The following CXCR5 variants were observed in gnomAD, a reference collection of about 807,000 sequenced individuals.
The protein encoded by CXCR5 is C-X-C motif chemokine receptor 5, also known as C-X-C chemokine receptor type 5.
In CXCR5, 3 loss-of-function variants were observed where a neutral mutation model predicts 5.6. The ratio of observed to expected loss-of-function variants is 0.54; its 90% CI spans 0.24 to 1.39. The LOEUF (loss-of-function observed/expected upper bound fraction) is 1.39. Ranked by LOEUF, CXCR5 falls within the 40% of genes most tolerant of loss-of-function variation. The pLI is 0.16. For missense variants in CXCR5, 333 were observed against 494.6 expected, an observed-to-expected ratio of 0.67 and a Z score of 3.10; for synonymous variants, 218 against 219.9, an observed-to-expected ratio of 0.99 and a Z score of 0.08.
intron 1 of CXCR5, among the ~76,000 whole-genome samples, chr11:118,885,478 A>G (rs2137650195): frequency 6.6e-6 from 1 of 152,248 alleles, no homozygotes; most frequent in Admixed American, 6.5e-5. Flanking sequence ...CAATACCCCA[A>G]ATCAGACTAA....
rs1384225505 is a variant in CXCR5 at position 118,896,444 on chromosome 11, CAG to C, written c.*1784_*1785del. On this transcript the variant is annotated 3_prime_UTR_variant, in exon 2 of 2. Coordinates refer to ENST00000292174, the MANE Select transcript of CXCR5 (RefSeq NM_001716.5). Reference sequence around the variant, plus strand: ...CCCTCTCTCCTCAGGGCAGGAAACACAGAGTCAGACAGTTTGGGGGGGTCTTG... The same window carrying C: ...CCCTCTCTCCTCAGGGCAGGAAACACAGTCAGACAGTTTGGGGGGGTCTTG... 2 of 152,500 alleles carry C rather than the reference CAG, an allele frequency of 1.3e-5. No individual in the cohort carries two copies. The highest frequency in any genetic ancestry group is 2.4e-5 in the African/African-American group (1 of 41,434). 9.4% of individuals were successfully genotyped at this position (152,500 alleles called of 1,614,324 possible). A position where few individuals can be genotyped will look rare whatever the true frequency, so the allele number is the denominator to read the frequency against.
Position 118,894,421 on chromosome 11 carries a change from A to G in CXCR5, c.877A>G (p.Thr293Ala). ...TLARLKAVDN[T>A]CKLNGSLPVA... is the part of the protein sequence containing the mutation. ...GGCGAGGCTGAAGGCCGTGGACAAT[A>G]CCTGCAAGCTGAATGGCTCTCTCCC... Residue 293 changes from threonine to alanine, a missense_variant, in exon 2 of 2, where the codon ACC becomes GCC. Thr to Ala is a moderately conservative substitution (Grantham distance 58). Coordinates refer to ENST00000292174, the MANE Select transcript of CXCR5 (RefSeq NM_001716.5). This position sits in a 1 kb window ranked among gnomAD's most constrained non-coding sequence, Gnocchi z 6.1. 1 of 1,614,098 alleles carries G rather than the reference A, an allele frequency of 6.2e-7. No individual in the cohort carries two copies.
At position 118,893,803 on chromosome 11, in the gene CXCR5, G is replaced by GA. The variant is rs747249854; in HGVS notation, c.260dup (p.Thr88AspfsTer221). The GA allele has an allele frequency of 6.2e-7, 1 of 1,614,106 alleles. No individual in the cohort carries two copies. On this transcript the variant is annotated frameshift_variant, in exon 2 of 2. Coordinates refer to ENST00000292174, the MANE Select transcript of CXCR5 (RefSeq NM_001716.5). LOFTEE classifies it low-confidence loss of function (END_TRUNC). The surrounding 1 kb of genome is among the most constrained non-coding windows in gnomAD (Gnocchi z 5.7). ...GCACCGGCAGACACGCAGTTCCACGGAGACCTTCCTGTTCCACCTGGCCGT... is the reference window on the plus strand; with the variant it reads ...GCACCGGCAGACACGCAGTTCCACGGAAGACCTTCCTGTTCCACCTGGCCGT...
chr11:118,895,377 G>C lies in CXCR5; in HGVS notation c.*714G>C, dbSNP rs955031194. On this transcript the variant is annotated 3_prime_UTR_variant, in exon 2 of 2. Coordinates refer to ENST00000292174, the MANE Select transcript of CXCR5 (RefSeq NM_001716.5). This position sits in a 1 kb window ranked among gnomAD's most constrained non-coding sequence, Gnocchi z 4.2. ...GCAGGGCTGACTCTAGGTGCCCTTGGAGGCCAGCCAGTGACCTGAGGAAGC... is the reference window on the plus strand; with the variant it reads ...GCAGGGCTGACTCTAGGTGCCCTTGCAGGCCAGCCAGTGACCTGAGGAAGC... 6 of 167,160 alleles carry C rather than the reference G, an allele frequency of 3.6e-5. No individual in the cohort carries two copies. In the East Asian group the frequency reaches 1.2e-3, roughly 32 times the overall value. The allele number at this position is 167,160 out of a possible 1,614,324, so 10.4% of individuals were successfully genotyped here.
rs1397137323 is a variant in CXCR5, at chr11:118,894,231, G to A, written c.687G>A (p.Leu229=). The part of the protein sequence containing the change: ...RFLYHVAGFL[L]PMLVMGWCYV... ...TCTACCATGTGGCGGGATTCCTGCTGCCCATGCTGGTGATGGGCTGGTGCT... is the reference window on the plus strand; with the variant it reads ...TCTACCATGTGGCGGGATTCCTGCTACCCATGCTGGTGATGGGCTGGTGCT... The change falls in exon 2 of 2, where the codon CTG becomes CTA. Residue 229 remains leucine, a synonymous_variant. Coordinates refer to ENST00000292174, the MANE Select transcript of CXCR5 (RefSeq NM_001716.5). This position sits in a 1 kb window ranked among gnomAD's most constrained non-coding sequence, Gnocchi z 6.1. The A allele has an allele frequency of 3.7e-6, 6 of 1,614,088 alleles. No homozygotes were observed. The highest frequency in any genetic ancestry group is 8.5e-7 in the Non-Finnish European group (1 of 1,180,030).
chr11:118,893,733 C>T lies in CXCR5; in HGVS notation c.189C>T (p.Leu63=). 2 of 1,614,250 alleles carry T rather than the reference C, an allele frequency of 1.2e-6. No homozygotes were observed. Among genetic ancestry groups the T allele is most frequent in the Non-Finnish European group, 1.7e-6 (2 of 1,180,036 alleles). The part of the protein sequence containing the change: ...FVPVAYSLIF[L]LGVIGNVLVL... ...CCGTGGCCTACAGCCTCATCTTCCT[C>T]CTGGGCGTGATCGGCAACGTCCTGG... The change falls in exon 2 of 2, where the codon CTC becomes CTT. Residue 63 remains leucine (L), a synonymous_variant. Transcript: ENST00000292174. This position sits in a 1 kb window ranked among gnomAD's most constrained non-coding sequence, Gnocchi z 5.7.
Position 118,894,973 on chromosome 11 carries a change from A to C in CXCR5, c.*310A>C, listed in dbSNP as rs1939880881. The C allele has an allele frequency of 3.1e-6, 1 of 319,698 alleles. No individual in the cohort carries two copies. The highest frequency in any genetic ancestry group is 6.0e-6 in the Non-Finnish European group (1 of 166,606). 19.8% of individuals were successfully genotyped at this position (319,698 alleles called of 1,614,324 possible). The stretch of plus-strand genomic sequence containing the variant: ...CACGCACCTCCCATCCTAATCATCC[A>C]ATGCTCAAGAAACAACTTCTACTTC... On this transcript the variant is annotated 3_prime_UTR_variant, in exon 2 of 2. Coordinates refer to ENST00000292174, the MANE Select transcript of CXCR5 (RefSeq NM_001716.5). This position sits in a 1 kb window ranked among gnomAD's most constrained non-coding sequence, Gnocchi z 6.1.
rs1242199416 is a variant in CXCR5, at chr11:118,897,655, G to A, written c.*2992G>A. The stretch of plus-strand genomic sequence containing the variant: ...GAATGGTATCCCTTAGGGACCCAGA[G>A]ACACTGCAAACAGTGGGTGGCCATG... On this transcript the variant is annotated 3_prime_UTR_variant, in exon 2 of 2. Coordinates refer to ENST00000292174, the MANE Select transcript of CXCR5 (RefSeq NM_001716.5). 2 of 394,780 alleles carry A rather than the reference G, an allele frequency of 5.1e-6. No homozygotes were observed. Among genetic ancestry groups the A allele is most frequent in the Non-Finnish European group, 9.9e-6 (2 of 201,156 alleles). 24.5% of individuals were successfully genotyped at this position (394,780 alleles called of 1,614,324 possible).
Position 118,894,780 on chromosome 11 carries a change from T to C in CXCR5, c.*117T>C. Reference sequence around the variant, plus strand: ...ACCGTGGCTAAGAGTGTCCTAGGAGTATCCTCATTTGGGGTAGCTAGAGGA... The same window carrying C: ...ACCGTGGCTAAGAGTGTCCTAGGAGCATCCTCATTTGGGGTAGCTAGAGGA... On this transcript the variant is annotated 3_prime_UTR_variant, in exon 2 of 2. Transcript: ENST00000292174. The surrounding 1 kb of genome is among the most constrained non-coding windows in gnomAD (Gnocchi z 6.1). 1.0e-6 allele frequency: 1 copy of C among 993,432 alleles called. No homozygotes were observed. The highest frequency in any genetic ancestry group is 1.4e-6 in the Non-Finnish European group (1 of 725,342). The allele number at this position is 993,432 out of a possible 1,614,324, so 61.5% of individuals were successfully genotyped here.
In CXCR5 at chr11:118,894,366, C is replaced by A. The variant is rs1246432686; in HGVS notation, c.822C>A (p.Pro274=). The part of the protein sequence containing the change: ...VTSIFFLCWS[P]YHIVIFLDTL... ...GCATCTTCTTCCTCTGCTGGTCACC[C>A]TACCACATCGTCATCTTCCTGGACA... Residue 274 remains proline (P), a synonymous_variant, in exon 2 of 2, where the codon CCC becomes CCA. Coordinates refer to ENST00000292174, the MANE Select transcript of CXCR5 (RefSeq NM_001716.5). The surrounding 1 kb of genome is among the most constrained non-coding windows in gnomAD (Gnocchi z 6.1). 6.2e-7 allele frequency: 1 copy of A among 1,614,058 alleles called. No individual in the cohort carries two copies. The highest frequency in any genetic ancestry group is 8.5e-7 in the Non-Finnish European group (1 of 1,180,020).
intron 1 of CXCR5, chr11:118,887,499 C>T (rs984260787): frequency 1.8e-5 from 16 of 910,772 alleles, no homozygotes; most frequent in Non-Finnish European, 2.0e-5. Context: ...AACACCACAT[C>T]CAGCACAGTA....
intron 1 of CXCR5, among the ~76,000 whole-genome samples, chr11:118,888,289 C>T (rs1176782382): frequency 2.0e-5 from 3 of 152,140 alleles, no homozygotes; most frequent in Non-Finnish European, 4.4e-5. Context: ...GAAACGCTAC[C>T]CCCTCAGCTT....
chr11:118,894,749 G>T lies in CXCR5; in HGVS notation c.*86G>T. On this transcript the variant is annotated 3_prime_UTR_variant, in exon 2 of 2. Transcript: ENST00000292174. The surrounding 1 kb of genome is among the most constrained non-coding windows in gnomAD (Gnocchi z 6.1). ...CTTCCAACAGGAGCTGGGATCCTAA[G>T]GGCTCACCGTGGCTAAGAGTGTCCT... is the stretch of plus-strand genomic sequence containing the variant. The T allele has an allele frequency of 3.6e-6, 5 of 1,372,032 alleles. No individual in the cohort carries two copies. Among genetic ancestry groups the T allele is most frequent in the Non-Finnish European group, 3.9e-6 (4 of 1,026,688 alleles). The allele number at this position is 1,372,032 out of a possible 1,614,324, so 85.0% of individuals were successfully genotyped here.
chr11:118,889,722 C>A (rs1469603290), intron 1 of CXCR5, among the ~76,000 whole-genome samples: 4 of 152,170 alleles, frequency 2.6e-5, no homozygotes, highest in African/African-American at 9.7e-5. Flanking sequence ...TCCCATCTTA[C>A]CCTCTCTGAA....
At chr11:118,888,388 G>A (rs529604333) in intron 1 of CXCR5, among the ~76,000 whole-genome samples, 1 of 152,198 alleles carries the variant, frequency 6.6e-6, no homozygotes, top group South Asian at 2.1e-4. Context: ...TCCAAGCCTT[G>A]ACATCAGCCC....
Position 118,893,318 on chromosome 11 carries a change from A to G in CXCR5, c.52-278A>G. On this transcript the variant is annotated intron_variant, in intron 1 of 1. Transcript: ENST00000292174. The surrounding 1 kb of genome is among the most constrained non-coding windows in gnomAD (Gnocchi z 5.7). ...CCGTACATGAGGACCCAAAAACACA[A>G]GCTGACTTATGGGGTCCAGCCCTCC... The G allele has an allele frequency of 1.1e-6, 1 of 913,958 alleles. No individual in the cohort carries two copies. Among genetic ancestry groups the G allele is most frequent in the Non-Finnish European group, 1.3e-6 (1 of 764,928 alleles). The allele number at this position is 913,958 out of a possible 1,614,324, so 56.6% of individuals were successfully genotyped here.
In CXCR5 at chr11:118,895,917, G is replaced by A. The variant is rs955773776; in HGVS notation, c.*1254G>A. 3 of 167,060 alleles carry A rather than the reference G, an allele frequency of 1.8e-5. No homozygotes were observed. Among genetic ancestry groups the A allele is most frequent in the African/African-American group, 7.2e-5 (3 of 41,448 alleles). 10.3% of individuals were successfully genotyped at this position (167,060 alleles called of 1,614,324 possible). On this transcript the variant is annotated 3_prime_UTR_variant, in exon 2 of 2. Coordinates refer to ENST00000292174, the MANE Select transcript of CXCR5 (RefSeq NM_001716.5). The surrounding 1 kb of genome is among the most constrained non-coding windows in gnomAD (Gnocchi z 4.2). ...CTACCACCTCCCCAGCCTTTGATCAGGTGGGGAGTCAGGGACCCCTGCCCT... is the reference window on the plus strand; with the variant it reads ...CTACCACCTCCCCAGCCTTTGATCAAGTGGGGAGTCAGGGACCCCTGCCCT...
intron 1 of CXCR5, among the ~76,000 whole-genome samples, chr11:118,892,680 A>G (rs1939831794): frequency 1.4e-5 from 2 of 138,386 alleles, no homozygotes; most frequent in Admixed American, 1.4e-4. Flanking sequence ...GGGGGGGGTG[A>G]TGGGGAGAGG....
intron 1 of CXCR5, among the ~76,000 whole-genome samples, chr11:118,891,451 C>T (rs549326094): frequency 2.6e-5 from 4 of 152,232 alleles, no homozygotes; most frequent in Non-Finnish European, 4.4e-5. Flanking sequence ...GTGATCCTCC[C>T]GCCTTGTCTT....
Sources: gnomAD v4.1 joint callset for allele counts (sites outside exome capture counted in the v4.1 genomes callset) on GRCh38, gnomAD v4.1.1 for gene constraint, Gnocchi (gnomAD v3.1) non-coding constraint, MANE v1.5 for transcripts, NCBI Gene and HGNC (gene_info 2026-07-23, HGNC 2026-07-21) for gene names.